TTC29: variants seen among roughly 807,000 people sequenced by gnomAD.
TTC29 encodes tetratricopeptide repeat domain 29, also known as tetratricopeptide repeat protein 29.
In TTC29, 49 loss-of-function variants were observed where a neutral mutation model predicts 58.1. That is an observed-to-expected ratio of 0.84 (90% CI 0.67 to 1.07). The LOEUF is 1.07. Among genes scored for constraint, TTC29 ranks in the 50% least tolerant of loss-of-function variants. The pLI, the probability that TTC29 is intolerant of heterozygous loss-of-function variation, is 0.00. For missense variants in TTC29, 582 were observed against 555.6 expected (o/e 1.05, Z -0.48); for synonymous variants, 209 against 196.8 (o/e 1.06, Z -0.52).
chr4:146,900,499 C>G (rs761677151), intron 6 of TTC29, among the ~76,000 whole-genome samples: 6 of 152,174 alleles, frequency 3.9e-5, no homozygotes, highest in Admixed American at 6.5e-5. Context: ...CAACCTCATC[C>G]TTTCCCTCAG....
At chr4:146,774,664 C>A (rs142269737) in intron 11 of TTC29, among the ~76,000 whole-genome samples, 94 of 152,080 alleles carry the variant, frequency 6.2e-4, no homozygotes, top group African/African-American at 2.1e-3. Flanking sequence ...AAAATATGCA[C>A]CATGTGCAGA....
At chr4:146,820,725 A>G (rs960130824) in intron 9 of TTC29, among the ~76,000 whole-genome samples, 1 of 152,224 alleles carries the variant, frequency 6.6e-6, no homozygotes, top group Non-Finnish European at 1.5e-5. Flanking sequence ...ATGAAATATT[A>G]TTCAGTCTTA....
rs377164172 is a variant in TTC29 at position 146,892,484 on chromosome 4, C to T, written c.586+11060G>A. On this transcript the variant is annotated intron_variant, in intron 6 of 12. Transcript: ENST00000325106. ...AAAGGCCTTTGACAAAATTCAACAA[C>T]GCTTCATGCTAAAAACTCTCAATAA... Among the ~76,000 whole-genome samples, 628 of 152,266 alleles carry T rather than the reference C, an allele frequency of 4.1e-3. 6 individuals carry two copies. Among genetic ancestry groups the T allele is most frequent in the African/African-American group, 0.014 (564 of 41,548 alleles).
At position 146,771,855 on chromosome 4, in the gene TTC29, C is replaced by T. The variant is rs1216887549; in HGVS notation, c.1330+31602G>A. Among the ~76,000 whole-genome samples, 4 of 152,252 alleles carry T rather than the reference C, an allele frequency of 2.6e-5. No individual in the cohort carries two copies. The East Asian group carries it at 7.7e-4, about 29-fold the overall frequency. ...CTTCCGCAATGGCTGAACTAATTTG[C>T]ATTCCCACCAGCAGTGGGATATAAG... On this transcript the variant is annotated intron_variant, in intron 11 of 12. Transcript: ENST00000325106.
At chr4:146,785,328 C>T (rs75505859) in intron 11 of TTC29, among the ~76,000 whole-genome samples, 1 of 151,750 alleles carries the variant, frequency 6.6e-6, no homozygotes, top group Non-Finnish European at 1.5e-5. Context: ...ATTTTTAATA[C>T]ACTTATTGAG....
chr4:146,737,100 T>TAAC (rs1744760421), intron 11 of TTC29, among the ~76,000 whole-genome samples: 1 of 152,174 alleles, frequency 6.6e-6, no homozygotes, highest in Non-Finnish European at 1.5e-5. Context: ...GCTGTTTTCC[T>TAAC]AACAGTTTTG....
At chr4:146,832,004 T>C (rs1239258092) in intron 9 of TTC29, among the ~76,000 whole-genome samples, 1 of 152,128 alleles carries the variant, frequency 6.6e-6, no homozygotes, top group Non-Finnish European at 1.5e-5. Context: ...TCCAGGGATC[T>C]TTCCATCTCA....
intron 11 of TTC29, among the ~76,000 whole-genome samples, chr4:146,758,985 C>G (rs183136995): frequency 1.3e-5 from 2 of 151,808 alleles, no homozygotes; most frequent in African/African-American, 4.8e-5. Context: ...AGGAAATAAC[C>G]AAGATCAGAG....
chr4:146,869,595 A>T (rs925466112), intron 7 of TTC29, among the ~76,000 whole-genome samples: 1 of 152,122 alleles, frequency 6.6e-6, no homozygotes, highest in African/African-American at 2.4e-5. Flanking sequence ...GAGAGTTAAA[A>T]GTTGGCTGTA....
At chr4:146,877,862 A>C (rs2150228044) in intron 6 of TTC29, among the ~76,000 whole-genome samples, 1 of 152,320 alleles carries the variant, frequency 6.6e-6, no homozygotes, top group Non-Finnish European at 1.5e-5. Flanking sequence ...ATGAGGTATA[A>C]TGATGTAAAT....
At chr4:146,840,570 T>C (rs1341626176) in intron 8 of TTC29, among the ~76,000 whole-genome samples, 1 of 152,158 alleles carries the variant, frequency 6.6e-6, no homozygotes, top group Non-Finnish European at 1.5e-5. Context: ...ACATAAATAC[T>C]GAGTGTCTTT....
intron 11 of TTC29, among the ~76,000 whole-genome samples, chr4:146,746,927 C>G (rs554318445): frequency 3.9e-5 from 6 of 152,202 alleles, no homozygotes; most frequent in Admixed American, 1.3e-4. Context: ...TGCTGGAGTA[C>G]AGCAAAGCAG....
intron 10 of TTC29, among the ~76,000 whole-genome samples, chr4:146,810,993 ATTC>A (rs1337989687): frequency 6.6e-6 from 1 of 152,230 alleles, no homozygotes; most frequent in Non-Finnish European, 1.5e-5. Context: ...TTCATATGCC[ATTC>A]TTCTTAACTG....
intron 11 of TTC29, among the ~76,000 whole-genome samples, chr4:146,721,976 A>G (rs1418265182): frequency 6.6e-6 from 1 of 152,190 alleles, no homozygotes; most frequent in Non-Finnish European, 1.5e-5. Context: ...CAGGATACAA[A>G]ATCAATGTAA....
chr4:146,891,272 T>C (rs1361209814), intron 6 of TTC29, among the ~76,000 whole-genome samples: 2 of 152,196 alleles, frequency 1.3e-5, no homozygotes, highest in African/African-American at 2.4e-5. Flanking sequence ...TTAAAATATA[T>C]AATGTTGATT....
chr4:146,797,832 TTA>T (rs70958528), intron 11 of TTC29, among the ~76,000 whole-genome samples: 34,013 of 129,858 alleles, frequency 0.26, 4,537 homozygotes, highest in Admixed American at 0.4. Context: ...TTACTTTGTT[TTA>T]TATATATATA....
At chr4:146,888,643 AT>A (rs570265306) in intron 6 of TTC29, among the ~76,000 whole-genome samples, 2 of 152,196 alleles carry the variant, frequency 1.3e-5, no homozygotes, top group East Asian at 1.9e-4. Flanking sequence ...AAGGACTAGA[AT>A]TTTTTTTCTA....
intron 2 of TTC29, chr4:146,944,355 A>C (rs1328820217): frequency 6.6e-6 from 1 of 152,256 alleles, no homozygotes; most frequent in Non-Finnish European, 1.5e-5. Context: ...CCCCACATGC[A>C]AAGACAAATG....
intron 9 of TTC29, among the ~76,000 whole-genome samples, chr4:146,831,164 T>C (rs1306850678): frequency 6.6e-6 from 1 of 152,214 alleles, no homozygotes; most frequent in Non-Finnish European, 1.5e-5. Flanking sequence ...TGCACTGTCT[T>C]GTGCATTGTG....
Sources: gnomAD v4.1 joint callset for allele counts (sites outside exome capture counted in the v4.1 genomes callset) on GRCh38, gnomAD v4.1.1 for gene constraint, MANE v1.5 for transcripts, NCBI Gene and HGNC (gene_info 2026-07-23, HGNC 2026-07-21) for gene names.